CEPT1: variants seen among roughly 807,000 people sequenced by gnomAD.
CEPT1 encodes the protein choline/ethanolamine phosphotransferase 1.
Under a neutral mutation model 42.6 loss-of-function variants are expected in CEPT1, and 7 were observed. That is an observed-to-expected ratio of 0.16 (90% CI 0.09 to 0.31). The LOEUF is 0.31. Among genes scored for constraint, CEPT1 ranks in the 10% least tolerant of loss-of-function variants. CEPT1 has a pLI of 1.00. For missense variants in CEPT1, 306 were observed against 502.1 expected, an observed-to-expected ratio of 0.61 and a Z score of 3.73; for synonymous variants, 171 against 171.9, an observed-to-expected ratio of 0.99 and a Z score of 0.04.
intron 4 of CEPT1, chr1:111,167,656 GT>G: frequency 1.0e-6 from 1 of 976,406 alleles, no homozygotes; most frequent in Non-Finnish European, 1.2e-6. Context: ...TCTAGTACTA[GT>G]TCTGCTTGAG....
intron 5 of CEPT1, chr1:111,178,217 A>G (rs1025715174): frequency 6.6e-6 from 1 of 152,208 alleles, no homozygotes; most frequent in African/African-American, 2.4e-5. Context: ...ATAAAATGGA[A>G]ATTGCCTTCC....
chr1:111,174,859 G>T lies in CEPT1; in HGVS notation c.630-20G>T. 2 of 1,504,738 alleles carry T rather than the reference G, an allele frequency of 1.3e-6. No homozygotes were observed. Among genetic ancestry groups the T allele is most frequent in the Middle Eastern group, 1.7e-4 (1 of 5,778 alleles). The allele number at this position is 1,504,738 out of a possible 1,614,324, so 93.2% of individuals were successfully genotyped here. On this transcript the variant is annotated intron_variant, in intron 4 of 8. Coordinates refer to ENST00000357172, the MANE Select transcript of CEPT1 (RefSeq NM_006090.5). ...TTGTTGTGACTAATTCTGCTCTTTT[G>T]GCTTTTTGTACCTAATCAGAATTGA...
At chr1:111,144,096 C>T (rs1654816938) in intron 1 of CEPT1, among the ~76,000 whole-genome samples, 2 of 152,168 alleles carry the variant, frequency 1.3e-5, no homozygotes, top group African/African-American at 4.8e-5. Context: ...TTTCCTTTCT[C>T]GCCACATTGT....
Position 111,161,276 on chromosome 1 carries a change from T to C in CEPT1, c.609T>C (p.Ser203=). 1 of 1,610,154 alleles carries C rather than the reference T, an allele frequency of 6.2e-7. No individual in the cohort carries two copies. Among genetic ancestry groups the C allele is most frequent in the Non-Finnish European group, 8.5e-7 (1 of 1,178,794 alleles). ...FYCAHWQTYV[S]GTLRFGIIDV... is the part of the protein sequence containing the mutation. ...GTGCGCACTGGCAAACGTATGTTTCTGGAACATTGCGATTTGGAATGTAAG... is the reference window on the plus strand; with the variant it reads ...GTGCGCACTGGCAAACGTATGTTTCCGGAACATTGCGATTTGGAATGTAAG... Residue 203 remains serine, a synonymous_variant, in exon 4 of 9, where the codon TCT becomes TCC. Transcript: ENST00000357172.
chr1:111,162,866 G>A (rs191747626), intron 4 of CEPT1, among the ~76,000 whole-genome samples: 40 of 152,256 alleles, frequency 2.6e-4, no homozygotes, highest in African/African-American at 7.7e-4. Flanking sequence ...ATTATATATC[G>A]TTACTTATAA....
intron 4 of CEPT1, among the ~76,000 whole-genome samples, chr1:111,165,844 T>C (rs1399864862): frequency 6.6e-6 from 1 of 152,228 alleles, no homozygotes; most frequent in Non-Finnish European, 1.5e-5. Flanking sequence ...TAATAGGCTA[T>C]GTATTCCACT....
At chr1:111,182,373 G>T in intron 6 of CEPT1, 55 bp downstream of exon 6, 4 of 1,538,592 alleles carry the variant, frequency 2.6e-6, no homozygotes, top group Non-Finnish European at 3.5e-6. Flanking sequence ...TGGTTTTGTT[G>T]TCATTTTGTT....
chr1:111,153,260 A>G (rs1005073285), intron 2 of CEPT1, among the ~76,000 whole-genome samples: 6 of 151,934 alleles, frequency 3.9e-5, no homozygotes, highest in African/African-American at 7.3e-5. Context: ...TTCACTTAAC[A>G]TGATGTCTTC....
At chr1:111,159,804 A>T in intron 3 of CEPT1, 1 of 263,250 alleles carries the variant, frequency 3.8e-6, no homozygotes, top group Non-Finnish European at 7.2e-6. Context: ...CAAAACTCTT[A>T]TGAACTAAAT....
At chr1:111,184,072 T>C (rs112852449) in intron 8 of CEPT1, 119 bp from the exon 9 acceptor site, 8 of 1,035,244 alleles carry the variant, frequency 7.7e-6, no homozygotes, top group African/African-American at 4.8e-5. Context: ...GCAAGGAAAT[T>C]GAATTATTTT....
At chr1:111,146,136 T>G (rs1654950992) in intron 1 of CEPT1, among the ~76,000 whole-genome samples, 1 of 151,936 alleles carries the variant, frequency 6.6e-6, no homozygotes, top group Non-Finnish European at 1.5e-5. Flanking sequence ...TATGGTAAGT[T>G]TCTCACAAGG....
intron 2 of CEPT1, among the ~76,000 whole-genome samples, chr1:111,154,169 G>C (rs1655431513): frequency 6.7e-6 from 1 of 148,404 alleles, no homozygotes; most frequent in Admixed American, 6.7e-5. Flanking sequence ...TCAACTCCTT[G>C]GTTAAATTTA....
chr1:111,175,187 C>T (rs1656616721), intron 5 of CEPT1, among the ~76,000 whole-genome samples: 1 of 152,056 alleles, frequency 6.6e-6, no homozygotes, highest in South Asian at 2.1e-4. Context: ...CATTGAGAAT[C>T]TGAATTAGTA....
intron 2 of CEPT1, among the ~76,000 whole-genome samples, chr1:111,154,264 A>G (rs1219321835): frequency 6.9e-6 from 1 of 145,618 alleles, no homozygotes; most frequent in Non-Finnish European, 1.5e-5. Flanking sequence ...GCTGTTGTTA[A>G]TGGGGTTGCC....
intron 4 of CEPT1, among the ~76,000 whole-genome samples, chr1:111,171,132 A>G (rs1019330729): frequency 1.3e-5 from 2 of 152,228 alleles, no homozygotes; most frequent in Non-Finnish European, 2.9e-5. Context: ...ACATCCCTCA[A>G]TTAAAACTGA....
intron 4 of CEPT1, among the ~76,000 whole-genome samples, chr1:111,168,761 A>G (rs955849555): frequency 6.6e-6 from 1 of 152,214 alleles, no homozygotes; most frequent in South Asian, 2.1e-4. Context: ...TCTGAAAAGT[A>G]TATTTCAGTG....
intron 1 of CEPT1, among the ~76,000 whole-genome samples, chr1:111,145,261 C>T: frequency 6.6e-6 from 1 of 152,188 alleles, no homozygotes; most frequent in Non-Finnish European, 1.5e-5. Flanking sequence ...GGTGATCCGC[C>T]CGCCTCAGCC....
chr1:111,144,505 T>C (rs1308132530), intron 1 of CEPT1, among the ~76,000 whole-genome samples: 1 of 152,206 alleles, frequency 6.6e-6, no homozygotes, highest in Non-Finnish European at 1.5e-5. Context: ...TGTAGATGTT[T>C]ATAAAAGAGA....
At chr1:111,174,986 TCC>T in intron 5 of CEPT1, 23 bp downstream of exon 5, 1 of 1,337,490 alleles carries the variant, frequency 7.5e-7, no homozygotes, top group Non-Finnish European at 1.1e-6. Context: ...ACATTGTGTA[TCC>T]CATGTAATGC....
Sources: gnomAD v4.1 joint callset for allele counts (sites outside exome capture counted in the v4.1 genomes callset) on GRCh38, gnomAD v4.1.1 for gene constraint, MANE v1.5 for transcripts, NCBI Gene and HGNC (gene_info 2026-07-23, HGNC 2026-07-21) for gene names.